NELL1: variants seen among roughly 807,000 people sequenced by gnomAD.
NELL1 encodes the protein protein kinase C-binding protein NELL1.
A neutral mutation model predicts 107.4 loss-of-function variants in NELL1; 76 were observed. The ratio of observed to expected loss-of-function variants is 0.71; its 90% confidence interval spans 0.59 to 0.86. NELL1 has a LOEUF of 0.86. NELL1 is among the 40% of genes least tolerant of loss of function. The pLI is 0.00. For missense variants in NELL1, 1,024 were observed against 1,005.5 expected (o/e 1.02, Z -0.25); for synonymous variants, 353 against 341.2 (o/e 1.03, Z -0.38).
At chr11:21,025,616 A>G (rs1364142195) in intron 12 of NELL1, among the ~76,000 whole-genome samples, 2 of 152,056 alleles carry the variant, frequency 1.3e-5, no homozygotes, top group South Asian at 2.1e-4. Flanking sequence ...AAAATGTCCC[A>G]GGACTCTCTT....
chr11:21,271,045 A>C (rs1478625698), intron 14 of NELL1, among the ~76,000 whole-genome samples: 3 of 152,224 alleles, frequency 2.0e-5, no homozygotes, highest in Non-Finnish European at 4.4e-5. Flanking sequence ...ATATTAGAAC[A>C]AAAGAAAGAT....
intron 12 of NELL1, among the ~76,000 whole-genome samples, chr11:21,037,171 T>A (rs1350386979): frequency 6.6e-6 from 1 of 152,098 alleles, no homozygotes; most frequent in Non-Finnish European, 1.5e-5. Flanking sequence ...TAGCCACATG[T>A]GATTATTGAG....
chr11:20,981,563 C>T (rs1030543432), intron 12 of NELL1, among the ~76,000 whole-genome samples: 2 of 152,154 alleles, frequency 1.3e-5, no homozygotes, highest in African/African-American at 4.8e-5. Flanking sequence ...CTGAGCAGAG[C>T]AGAGCCATAC....
chr11:21,371,048 G>A (rs1376790815), intron 15 of NELL1, 100 bp downstream of exon 15: 1 of 891,516 alleles, frequency 1.1e-6, no homozygotes, highest in African/African-American at 1.7e-5. Flanking sequence ...ACTGTGGGTT[G>A]ACTTGATACA....
At chr11:20,676,153 C>G (rs951827342) in intron 1 of NELL1, among the ~76,000 whole-genome samples, 5 of 151,946 alleles carry the variant, frequency 3.3e-5, no homozygotes, top group African/African-American at 1.2e-4. Flanking sequence ...TTGCATGCAC[C>G]CTTCTCTGCA....
intron 15 of NELL1, among the ~76,000 whole-genome samples, chr11:21,493,302 C>G (rs1405432131): frequency 6.6e-6 from 1 of 152,098 alleles, no homozygotes; most frequent in Non-Finnish European, 1.5e-5. Context: ...TAGCACTTAA[C>G]TATTCACAAT....
At chr11:20,904,879 A>C (rs1849959355) in intron 5 of NELL1, among the ~76,000 whole-genome samples, 1 of 151,452 alleles carries the variant, frequency 6.6e-6, no homozygotes, top group Non-Finnish European at 1.5e-5. Flanking sequence ...CCCAAGCTGG[A>C]GGACAATGAT....
At chr11:21,117,763 G>A (rs1855272413) in intron 13 of NELL1, among the ~76,000 whole-genome samples, 1 of 151,938 alleles carries the variant, frequency 6.6e-6, no homozygotes, top group South Asian at 2.1e-4. Context: ...TCACTATAGT[G>A]AACATTTCCA....
intron 17 of NELL1, among the ~76,000 whole-genome samples, chr11:21,563,744 C>T (rs1411203655): frequency 2.6e-5 from 4 of 151,816 alleles, no homozygotes; most frequent in African/African-American, 7.3e-5. Context: ...GAACCAATCC[C>T]CCAGAGATAC....
chr11:21,275,482 C>T (rs1168016617), intron 14 of NELL1, among the ~76,000 whole-genome samples: 2 of 152,186 alleles, frequency 1.3e-5, no homozygotes, highest in Non-Finnish European at 2.9e-5. Flanking sequence ...CAAGGAGGAG[C>T]TGGTACCATT....
chr11:21,573,140 A>C, intron 18 of NELL1, 45 bp from the exon 19 acceptor site: 1 of 1,438,348 alleles, frequency 7.0e-7, no homozygotes. Flanking sequence ...GAATAAAATT[A>C]TGCATAGGAA....
At chr11:20,977,606 G>C (rs1300777041) in intron 12 of NELL1, among the ~76,000 whole-genome samples, 1 of 152,070 alleles carries the variant, frequency 6.6e-6, no homozygotes, top group Non-Finnish European at 1.5e-5. Context: ...TTTTCATGCT[G>C]TCCTCTCTTA....
chr11:20,748,690 T>C (rs148336626), intron 2 of NELL1, among the ~76,000 whole-genome samples: 2 of 152,342 alleles, frequency 1.3e-5, no homozygotes, highest in African/African-American at 4.8e-5. Flanking sequence ...TTACTTCACT[T>C]AGAACATTGG....
At chr11:20,873,840 C>T (rs10430903) in intron 4 of NELL1, among the ~76,000 whole-genome samples, 91,619 of 150,846 alleles carry the variant, frequency 0.61, 30,475 homozygotes, top group Non-Finnish European at 0.75. Flanking sequence ...CACAGCTCAC[C>T]GCAGCCTCGA....
intron 13 of NELL1, among the ~76,000 whole-genome samples, chr11:21,212,699 C>T (rs1945327): frequency 0.15 from 22,375 of 152,134 alleles, 2,115 homozygotes; most frequent in East Asian, 0.52. Context: ...CATCAGGGAA[C>T]TGGAGCTCTA....
intron 14 of NELL1, among the ~76,000 whole-genome samples, chr11:21,239,716 G>C: frequency 6.6e-6 from 1 of 152,020 alleles, no homozygotes; most frequent in African/African-American, 2.4e-5. Context: ...GTAGGGGATA[G>C]ATATGGGACA....
chr11:21,289,899 T>C (rs1487683423), intron 14 of NELL1, among the ~76,000 whole-genome samples: 1 of 152,084 alleles, frequency 6.6e-6, no homozygotes, highest in Non-Finnish European at 1.5e-5. Flanking sequence ...GGGTGGAGCC[T>C]ACCACAGCTC....
intron 12 of NELL1, among the ~76,000 whole-genome samples, chr11:21,046,321 A>G (rs566331057): frequency 1.3e-5 from 2 of 152,304 alleles, no homozygotes; most frequent in Non-Finnish European, 2.9e-5. Flanking sequence ...AGCACTTATC[A>G]TATATGTTCT....
chr11:20,991,915 A>G (rs1255656518), intron 12 of NELL1, among the ~76,000 whole-genome samples: 1 of 150,678 alleles, frequency 6.6e-6, no homozygotes, highest in Non-Finnish European at 1.5e-5. Flanking sequence ...TCACATTCCC[A>G]AGGTGACAGG....
Sources: gnomAD v4.1 joint callset for allele counts (sites outside exome capture counted in the v4.1 genomes callset) on GRCh38, gnomAD v4.1.1 for gene constraint, MANE v1.5 for transcripts, NCBI Gene and HGNC (gene_info 2026-07-23, HGNC 2026-07-21) for gene names.